NRXN3: variants seen among roughly 807,000 people sequenced by gnomAD.
NRXN3 encodes neurexin 3.
NRXN3 carries 32 observed loss-of-function variants against 137.6 expected under a neutral mutation model. That is an observed-to-expected ratio of 0.23 (90% CI 0.18 to 0.31). The LOEUF (loss-of-function observed/expected upper bound fraction) is 0.31. NRXN3 is among the 10% of genes least tolerant of loss of function. The pLI, the probability that NRXN3 is intolerant of heterozygous loss-of-function variation, is 1.00. For missense variants in NRXN3, 1,574 were observed against 2,062.5 expected, an observed-to-expected ratio of 0.76 and a Z score of 4.59; for synonymous variants, 798 against 784.5, an observed-to-expected ratio of 1.02 and a Z score of -0.29.
At chr14:79,699,033 C>CTCTTTGCA (rs1435690042) in intron 19 of NRXN3, among the ~76,000 whole-genome samples, 3 of 151,946 alleles carry the variant, frequency 2.0e-5, no homozygotes, top group African/African-American at 7.2e-5. Flanking sequence ...ATCCAGACAG[C>CTCTTTGCA]TCTTTGCATG....
intron 4 of NRXN3, among the ~76,000 whole-genome samples, chr14:78,504,157 C>T (rs1012649030): frequency 2.6e-5 from 4 of 152,132 alleles, no homozygotes; most frequent in Non-Finnish European, 5.9e-5. Context: ...CCTGAGACTA[C>T]GTTATGTGGA....
At chr14:78,643,105 A>G (rs1349440136) in intron 4 of NRXN3, among the ~76,000 whole-genome samples, 1 of 152,206 alleles carries the variant, frequency 6.6e-6, no homozygotes, top group Admixed American at 6.5e-5. Flanking sequence ...CATAATGCTA[A>G]GATTAATTTA....
intron 15 of NRXN3, among the ~76,000 whole-genome samples, chr14:79,016,817 A>G (rs1027944558): frequency 9.9e-5 from 15 of 152,198 alleles, no homozygotes; most frequent in Admixed American, 1.3e-4. Flanking sequence ...TCCTGGGTCT[A>G]TGAACTGTAA....
Position 79,250,878 on chromosome 14 carries a change from G to A in NRXN3, c.3263-216343G>A, listed in dbSNP as rs528033150. Among the ~76,000 whole-genome samples, 10 of 152,186 alleles carry A rather than the reference G, an allele frequency of 6.6e-5. No individual in the cohort carries two copies. In the South Asian group the frequency reaches 2.1e-3, roughly 32 times the overall value. ...GATAGACAACATGACTTAAAAGAAA[G>A]AATCATTTTATTTATTTTTGACACC... On this transcript the variant is annotated intron_variant, in intron 15 of 20. Coordinates refer to ENST00000335750, the MANE Select transcript of NRXN3 (RefSeq NM_001330195.2).
At chr14:79,752,978 A>G (rs1016109191) in intron 19 of NRXN3, among the ~76,000 whole-genome samples, 25 of 152,078 alleles carry the variant, frequency 1.6e-4, no homozygotes, top group African/African-American at 5.8e-4. Flanking sequence ...AATGCTCATC[A>G]TCACTGGCCA....
At chr14:79,050,232 G>T (rs78397792) in intron 15 of NRXN3, among the ~76,000 whole-genome samples, 1 of 152,006 alleles carries the variant, frequency 6.6e-6, no homozygotes, top group Non-Finnish European at 1.5e-5. Flanking sequence ...TTTATACTGC[G>T]GTTGGACTCT....
At chr14:78,930,490 T>C (rs2099318494) in intron 10 of NRXN3, among the ~76,000 whole-genome samples, 1 of 152,322 alleles carries the variant, frequency 6.6e-6, no homozygotes, top group Admixed American at 6.5e-5. Flanking sequence ...ATGATTTGGT[T>C]TGTGCTCTCA....
At chr14:79,820,752 A>G (rs1603615805) in intron 20 of NRXN3, among the ~76,000 whole-genome samples, 1 of 152,160 alleles carries the variant, frequency 6.6e-6, no homozygotes, top group African/African-American at 2.4e-5. Flanking sequence ...AACATGCAGT[A>G]TAAGTTAATG....
chr14:79,051,180 C>T (rs886120214), intron 15 of NRXN3, among the ~76,000 whole-genome samples: 1 of 151,818 alleles, frequency 6.6e-6, no homozygotes, highest in Non-Finnish European at 1.5e-5. Flanking sequence ...TGACCTATCT[C>T]CTTTCTACAG....
intron 1 of NRXN3, among the ~76,000 whole-genome samples, chr14:78,205,481 G>A (rs1223236294): frequency 1.3e-5 from 2 of 152,236 alleles, no homozygotes; most frequent in African/African-American, 4.8e-5. Flanking sequence ...TTGCATGAAA[G>A]AGCATTATTT....
intron 20 of NRXN3, among the ~76,000 whole-genome samples, chr14:79,807,603 A>G (rs2099213125): frequency 6.6e-6 from 1 of 152,178 alleles, no homozygotes; most frequent in Admixed American, 6.5e-5. Flanking sequence ...GAAATTCAAC[A>G]CCAACATTTC....
chr14:78,328,866 G>A (rs978234687), intron 4 of NRXN3, among the ~76,000 whole-genome samples: 2 of 152,062 alleles, frequency 1.3e-5, no homozygotes, highest in Non-Finnish European at 2.9e-5. Context: ...ATGTATACAT[G>A]GCAAGGTACT....
chr14:79,146,583 T>C (rs901929839), intron 15 of NRXN3, among the ~76,000 whole-genome samples: 1 of 152,038 alleles, frequency 6.6e-6, no homozygotes, highest in Non-Finnish European at 1.5e-5. Context: ...TGAGGTCTGA[T>C]AGGCTTTAGA....
intron 15 of NRXN3, among the ~76,000 whole-genome samples, chr14:79,334,227 G>T (rs1228350747): frequency 3.3e-5 from 5 of 152,070 alleles, no homozygotes; most frequent in African/African-American, 1.2e-4. Context: ...CTCTTCAATG[G>T]TGCTATGAAA....
intron 4 of NRXN3, among the ~76,000 whole-genome samples, chr14:78,532,439 A>G (rs1485749326): frequency 6.7e-6 from 1 of 149,022 alleles, no homozygotes; most frequent in African/African-American, 2.5e-5. Flanking sequence ...CAGCCCCCTT[A>G]GAAAGATTCT....
At chr14:79,463,345 C>T (rs1368584893) in intron 15 of NRXN3, among the ~76,000 whole-genome samples, 2 of 152,100 alleles carry the variant, frequency 1.3e-5, no homozygotes, top group Non-Finnish European at 2.9e-5. Context: ...TGCTGGATCA[C>T]CATCCCAAGC....
rs2081010874 is a variant in NRXN3 at position 79,280,078 on chromosome 14, A to T, written c.3263-187143A>T. 3.6e-6 allele frequency: 5 copies of T among 1,376,768 alleles called. No individual in the cohort carries two copies. The South Asian group carries it at 8.7e-5, about 24-fold the overall frequency. The allele number at this position is 1,376,768 out of a possible 1,614,324, so 85.3% of individuals were successfully genotyped here. ...TCTAAATTTCAGCTCCGGGAAAGAG[A>T]AGGGGCTTTTTGCCTTTTATCTTTT... On this transcript the variant is annotated intron_variant, in intron 15 of 20. Coordinates refer to ENST00000335750, the MANE Select transcript of NRXN3 (RefSeq NM_001330195.2).
chr14:78,488,808 T>C (rs545085368), intron 4 of NRXN3, among the ~76,000 whole-genome samples: 1 of 113,370 alleles, frequency 8.8e-6, no homozygotes, highest in South Asian at 2.8e-4. Flanking sequence ...GAGGAGGAGA[T>C]AAAGGAGGAG....
chr14:78,836,403 G>C (rs1384244683), intron 10 of NRXN3, among the ~76,000 whole-genome samples: 1 of 152,116 alleles, frequency 6.6e-6, no homozygotes, highest in African/African-American at 2.4e-5. Flanking sequence ...AAGATATAAA[G>C]AGCAATTTTA....
Sources: allele counts gnomAD v4.1 joint callset (sites outside exome capture counted in the v4.1 genomes callset), GRCh38; gene constraint gnomAD v4.1.1; transcripts MANE v1.5; gene names NCBI Gene and HGNC (gene_info 2026-07-23, HGNC 2026-07-21).